Variants in GLDC observed in about 807,000 individuals in gnomAD.
GLDC encodes the protein glycine dehydrogenase (decarboxylating), mitochondrial.
Under a neutral mutation model 121.3 loss-of-function variants are expected in GLDC, and 104 were observed. That is an observed-to-expected ratio of 0.86 (90% CI 0.73 to 1.01). GLDC has a LOEUF of 1.01. GLDC is among the 50% of genes least tolerant of loss of function. The probability of loss-of-function intolerance (pLI) is 0.00; values close to 1 mark genes in which losing one functional copy is unlikely to be tolerated. For missense variants in GLDC, 1,429 were observed against 1,306.6 expected, an observed-to-expected ratio of 1.09 and a Z score of -1.44; for synonymous variants, 546 against 480.6, an observed-to-expected ratio of 1.14 and a Z score of -1.78.
intron 15 of GLDC, among the ~76,000 whole-genome samples, chr9:6,582,247 G>C (rs1054580873): frequency 2.7e-5 from 4 of 145,674 alleles, no homozygotes; most frequent in African/African-American, 1.0e-4. Flanking sequence ...AGCCGGGCAT[G>C]GTGTCTCACG....
At chr9:6,572,246 G>C (rs561285959) in intron 15 of GLDC, among the ~76,000 whole-genome samples, 5 of 152,346 alleles carry the variant, frequency 3.3e-5, no homozygotes, top group African/African-American at 1.2e-4. Context: ...CAGAACGGGA[G>C]AAAGTATCTG....
intron 24 of GLDC, 94 bp from the exon 25 acceptor site, chr9:6,533,254 C>T: frequency 1.0e-6 from 1 of 989,130 alleles, no homozygotes; most frequent in Non-Finnish European, 1.6e-6. Context: ...CAACCTAAGA[C>T]ACCATCAGCC....
chr9:6,608,800 G>A (rs1587963871), intron 4 of GLDC, among the ~76,000 whole-genome samples: 1 of 151,716 alleles, frequency 6.6e-6, no homozygotes, highest in Non-Finnish European at 1.5e-5. Context: ...AAGATAAAAA[G>A]CAATTTTTTA....
chr9:6,587,103 A>G (rs1436740530), intron 15 of GLDC, 38 bp downstream of exon 15: 7 of 1,575,940 alleles, frequency 4.4e-6, no homozygotes, highest in Non-Finnish European at 4.4e-6. Context: ...CTATACAAGA[A>G]TAGATTGCTG....
chr9:6,546,876 C>T (rs888894907), intron 21 of GLDC, among the ~76,000 whole-genome samples: 13 of 151,946 alleles, frequency 8.6e-5, no homozygotes, highest in Admixed American at 7.9e-4. Context: ...GCAGGAGAAT[C>T]GCTTGAACCT....
intron 2 of GLDC, among the ~76,000 whole-genome samples, chr9:6,628,182 C>T (rs1322348140): frequency 6.6e-6 from 1 of 152,212 alleles, no homozygotes. Flanking sequence ...TGGAAAAGAG[C>T]TACCTTTCTA....
intron 1 of GLDC, among the ~76,000 whole-genome samples, 160 bp downstream of exon 1, chr9:6,645,085 G>T (rs1182815929): frequency 6.6e-6 from 1 of 152,232 alleles, no homozygotes; most frequent in Non-Finnish European, 1.5e-5. Context: ...AAGGCACGAG[G>T]ACCAAAGGCA....
chr9:6,571,296 T>G (rs139672472), intron 15 of GLDC, among the ~76,000 whole-genome samples: 67 of 152,264 alleles, frequency 4.4e-4, no homozygotes, highest in Middle Eastern at 3.4e-3. Flanking sequence ...AAACCATGGA[T>G]GGCACCCAAA....
At chr9:6,618,443 G>A (rs1443067035) in intron 3 of GLDC, among the ~76,000 whole-genome samples, 5 of 152,002 alleles carry the variant, frequency 3.3e-5, no homozygotes, top group Non-Finnish European at 7.4e-5. Context: ...AACTAGCTGC[G>A]ATTACAGGCA....
intron 15 of GLDC, among the ~76,000 whole-genome samples, chr9:6,568,587 C>T (rs1163332498): frequency 6.6e-6 from 1 of 152,170 alleles, no homozygotes; most frequent in Non-Finnish European, 1.5e-5. Flanking sequence ...GTGGCTCACA[C>T]CTGTAATCCT....
rs1587944015 is a variant in GLDC, at chr9:6,584,465, G to C, written c.1850+2676C>G. Among the ~76,000 whole-genome samples the C allele has an allele frequency of 3.9e-5, 6 of 152,272 alleles. No individual in the cohort carries two copies. In the South Asian group the frequency reaches 1.2e-3, roughly 32 times the overall value. On this transcript the variant is annotated intron_variant, in intron 15 of 24. Transcript: ENST00000321612. ...ATATGTAAGCCCTGTTGTAGACACA[G>C]AATAATTATAAGACAAGAAATGTGT...
chr9:6,594,420 G>A (rs565819755), intron 9 of GLDC, among the ~76,000 whole-genome samples: 15 of 152,068 alleles, frequency 9.9e-5, no homozygotes, highest in Non-Finnish European at 1.6e-4. Context: ...TCTAAGCCAG[G>A]CATGGTGGCT....
intron 7 of GLDC, 52 bp from the exon 8 acceptor site, chr9:6,602,257 G>A (rs1473389257): frequency 9.4e-7 from 1 of 1,062,652 alleles, no homozygotes; most frequent in Non-Finnish European, 1.5e-6. Context: ...AGCACTGGGA[G>A]ATGCTATAAA....
At chr9:6,622,487 G>T (rs867701001) in intron 2 of GLDC, among the ~76,000 whole-genome samples, 161 of 144,510 alleles carry the variant, frequency 1.1e-3, no homozygotes, top group African/African-American at 2.6e-3. Context: ...CGAGTGATCC[G>T]CCAGCCTCGG....
At chr9:6,583,231 A>C (rs368137780) in intron 15 of GLDC, among the ~76,000 whole-genome samples, 1 of 152,144 alleles carries the variant, frequency 6.6e-6, no homozygotes, top group South Asian at 2.1e-4. Context: ...CAAAATAAAA[A>C]CTGAAAGCAG....
At chr9:6,543,046 A>C (rs1817302661) in intron 21 of GLDC, among the ~76,000 whole-genome samples, 1 of 151,294 alleles carries the variant, frequency 6.6e-6, no homozygotes, top group African/African-American at 2.4e-5. Flanking sequence ...TTAAATGCTC[A>C]GCTGAGGATT....
At position 6,621,619 on chromosome 9, in the gene GLDC, G is replaced by A. The variant is rs1360313361; in HGVS notation, c.335-1300C>T. On this transcript the variant is annotated intron_variant, in intron 2 of 24. Transcript: ENST00000321612. ...TGCAACCTCCACCTCCCAGGTTCAA[G>A]CGATTCTTCTGCCTCAGCCTCCTGA... Among the ~76,000 whole-genome samples the A allele has an allele frequency of 4.6e-5, 7 of 152,260 alleles. No homozygotes were observed. The East Asian group carries it at 1.3e-3, about 29-fold the overall frequency.
At chr9:6,561,516 G>T (rs1388581089) in intron 16 of GLDC, among the ~76,000 whole-genome samples, 5 of 152,098 alleles carry the variant, frequency 3.3e-5, no homozygotes, top group Admixed American at 2.6e-4. Flanking sequence ...AGGCATGGTG[G>T]TGCACGCCTA....
intron 2 of GLDC, among the ~76,000 whole-genome samples, chr9:6,638,552 A>G (rs1224092217): frequency 6.6e-6 from 1 of 151,484 alleles, no homozygotes; most frequent in East Asian, 1.9e-4. Flanking sequence ...ATATATTCCA[A>G]CTCTTAACTC....
Sources: allele counts gnomAD v4.1 joint callset (sites outside exome capture counted in the v4.1 genomes callset), GRCh38; gene constraint gnomAD v4.1.1; transcripts MANE v1.5; gene names NCBI Gene and HGNC (gene_info 2026-07-23, HGNC 2026-07-21).